LRFN5: variants seen among roughly 807,000 people sequenced by gnomAD.
LRFN5 encodes the protein leucine rich repeat and fibronectin type III domain containing 5.
In LRFN5, 24 loss-of-function variants were observed where a neutral mutation model predicts 45.6. That is an observed-to-expected ratio of 0.53 (90% CI 0.38 to 0.74). The LOEUF (loss-of-function observed/expected upper bound fraction) is 0.74, where lower values mean the gene tolerates loss of function less well. Among genes scored for constraint, LRFN5 ranks in the 30% least tolerant of loss-of-function variants. The pLI, the probability that LRFN5 is intolerant of heterozygous loss-of-function variation, is 0.00. For missense variants in LRFN5, 776 were observed against 861.5 expected (o/e 0.90, Z 1.24); for synonymous variants, 340 against 313.8 (o/e 1.08, Z -0.88).
chr14:41,846,267 C>G (rs775426709), intron 2 of LRFN5, among the ~76,000 whole-genome samples: 9 of 151,820 alleles, frequency 5.9e-5, no homozygotes, highest in Non-Finnish European at 1.0e-4. Context: ...CAATTTTACT[C>G]CTAGGTATGA....
chr14:41,706,412 T>C (rs1191843865), intron 1 of LRFN5, among the ~76,000 whole-genome samples: 1 of 152,196 alleles, frequency 6.6e-6, no homozygotes, highest in African/African-American at 2.4e-5. Context: ...TTCTGTACTT[T>C]ATCCTAAAAA....
intron 2 of LRFN5, among the ~76,000 whole-genome samples, chr14:41,814,735 C>G (rs1887857444): frequency 6.6e-6 from 1 of 152,072 alleles, no homozygotes; most frequent in African/African-American, 2.4e-5. Context: ...CAGTCAACAT[C>G]AAAACATGTC....
At chr14:41,856,675 A>ATTATTATTATTAT in intron 2 of LRFN5, among the ~76,000 whole-genome samples, 2 of 18,328 alleles carry the variant, frequency 1.1e-4, no homozygotes, top group African/African-American at 2.6e-4. Context: ...TATTATTATT[A>ATTATTATTATTAT]TTTTTTTTTT....
At position 41,819,848 on chromosome 14, in the gene LRFN5, G is replaced by A. The variant is rs572424029; in HGVS notation, c.-21+52819G>A. Among the ~76,000 whole-genome samples, 5 of 152,170 alleles carry A rather than the reference G, an allele frequency of 3.3e-5. No homozygotes were observed. In the South Asian group the frequency reaches 1.0e-3, roughly 32 times the overall value. The stretch of plus-strand genomic sequence containing the variant: ...AATTACAATTCTACATGAGGTTTGG[G>A]TGGAGACACATATCTGAAACATATC... On this transcript the variant is annotated intron_variant, in intron 2 of 5. Coordinates refer to ENST00000298119, the MANE Select transcript of LRFN5 (RefSeq NM_152447.5).
At chr14:41,642,275 T>A (rs1879614547) in intron 1 of LRFN5, among the ~76,000 whole-genome samples, 3 of 152,132 alleles carry the variant, frequency 2.0e-5, no homozygotes, top group Admixed American at 6.6e-5. Flanking sequence ...CTAGTGCACA[T>A]GTGGAGAAAA....
Position 41,893,195 on chromosome 14 carries a change from C to T in LRFN5, c.2098+1233C>T, listed in dbSNP as rs983200107. 4 of 979,174 alleles carry T rather than the reference C, an allele frequency of 4.1e-6. No individual in the cohort carries two copies. In the African/African-American group the frequency reaches 5.3e-5, roughly 13 times the overall value. 60.7% of individuals were successfully genotyped at this position (979,174 alleles called of 1,614,324 possible). A position where few individuals can be genotyped will look rare whatever the true frequency, so the allele number is the denominator to read the frequency against. On this transcript the variant is annotated intron_variant, in intron 4 of 5. Coordinates refer to ENST00000298119, the MANE Select transcript of LRFN5 (RefSeq NM_152447.5). ...GAAATCATGCTGCTTAGTGAGAATA[C>T]ATAATTTTTTAAAACAGGATTTTAA...
chr14:41,680,019 C>A (rs1401554447), intron 1 of LRFN5, among the ~76,000 whole-genome samples: 4 of 152,102 alleles, frequency 2.6e-5, no homozygotes, highest in Non-Finnish European at 5.9e-5. Flanking sequence ...TGAGGAGAGA[C>A]CCCACTGCTT....
At chr14:41,876,460 T>TG (rs1890192694) in intron 2 of LRFN5, among the ~76,000 whole-genome samples, 1 of 130,892 alleles carries the variant, frequency 7.6e-6, no homozygotes, top group Admixed American at 7.6e-5. Flanking sequence ...TTTTTTTTTT[T>TG]CTTTTTCTTG....
chr14:41,611,305 A>G (rs188901586), intron 1 of LRFN5, among the ~76,000 whole-genome samples: 4 of 152,276 alleles, frequency 2.6e-5, no homozygotes, highest in Non-Finnish European at 4.4e-5. Flanking sequence ...AGGCGGGGGG[A>G]AAATATTTCT....
At chr14:41,900,522 T>C (rs1255214700) in intron 5 of LRFN5, among the ~76,000 whole-genome samples, 1 of 152,080 alleles carries the variant, frequency 6.6e-6, no homozygotes, top group Non-Finnish European at 1.5e-5. Flanking sequence ...AAAATATCAT[T>C]AAAAATAAAT....
intron 1 of LRFN5, among the ~76,000 whole-genome samples, chr14:41,670,687 G>A (rs1881167236): frequency 6.6e-6 from 1 of 151,818 alleles, no homozygotes; most frequent in Non-Finnish European, 1.5e-5. Context: ...ATTCCTCACT[G>A]AAATAGGCTC....
In LRFN5 at chr14:41,897,572, A is replaced by C. The variant is rs541981398; in HGVS notation, c.2099-1345A>C. On this transcript the variant is annotated intron_variant, in intron 4 of 5. Coordinates refer to ENST00000298119, the MANE Select transcript of LRFN5 (RefSeq NM_152447.5). ...ATCATAATTTTGTGTCCTGCAATAT[A>C]GATTAATTTTAATTACTATGAAAAC... Among the ~76,000 whole-genome samples, 46 of 152,252 alleles carry C rather than the reference A, an allele frequency of 3.0e-4. 1 individual carries two copies. Among genetic ancestry groups the C allele is most frequent in the African/African-American group, 9.1e-4 (38 of 41,572 alleles).
intron 1 of LRFN5, among the ~76,000 whole-genome samples, chr14:41,705,820 A>T (rs1270044351): frequency 6.6e-6 from 1 of 151,190 alleles, no homozygotes; most frequent in Admixed American, 6.6e-5. Context: ...CTGCAATACA[A>T]ACGTGTTTCA....
intron 2 of LRFN5, among the ~76,000 whole-genome samples, chr14:41,781,682 G>GGAAAGAA (rs1886532533): frequency 6.7e-6 from 1 of 149,678 alleles, no homozygotes; most frequent in Non-Finnish European, 1.5e-5. Context: ...AAGAAAGAAA[G>GGAAAGAA]AGAAAGAAAG....
At chr14:41,869,105 C>G (rs1889932099) in intron 2 of LRFN5, among the ~76,000 whole-genome samples, 1 of 152,138 alleles carries the variant, frequency 6.6e-6, no homozygotes, top group African/African-American at 2.4e-5. Flanking sequence ...CAACATGTTA[C>G]TGCTGGAGTG....
intron 2 of LRFN5, among the ~76,000 whole-genome samples, chr14:41,807,856 A>C (rs1005240560): frequency 6.6e-6 from 1 of 152,034 alleles, no homozygotes; most frequent in Non-Finnish European, 1.5e-5. Flanking sequence ...TTGGGAAGTT[A>C]GATATTGGAA....
At chr14:41,790,577 G>GT (rs10711984) in intron 2 of LRFN5, among the ~76,000 whole-genome samples, 45 of 143,054 alleles carry the variant, frequency 3.1e-4, no homozygotes, top group South Asian at 4.4e-4. Flanking sequence ...GGCTAATTTT[G>GT]TTTTTTTTTT....
At chr14:41,652,499 G>A (rs1880176137) in intron 1 of LRFN5, among the ~76,000 whole-genome samples, 1 of 152,104 alleles carries the variant, frequency 6.6e-6, no homozygotes, top group African/African-American at 2.4e-5. Context: ...GTAAATAAAT[G>A]TGCAAGCCAA....
intron 2 of LRFN5, among the ~76,000 whole-genome samples, chr14:41,864,997 T>C (rs1016047960): frequency 1.3e-5 from 2 of 152,126 alleles, no homozygotes; most frequent in Non-Finnish European, 2.9e-5. Flanking sequence ...ACATTAAAAA[T>C]AGCTTCTTGG....
Sources: gnomAD v4.1 joint callset for allele counts (sites outside exome capture counted in the v4.1 genomes callset) on GRCh38, gnomAD v4.1.1 for gene constraint, MANE v1.5 for transcripts, NCBI Gene and HGNC (gene_info 2026-07-23, HGNC 2026-07-21) for gene names.